Variants in SNAP25 observed in about 807,000 individuals in gnomAD.
The protein encoded by SNAP25 is synaptosomal-associated protein 25.
A neutral mutation model predicts 28.7 loss-of-function variants in SNAP25; 3 were observed. The observed-to-expected ratio is 0.10, with a 90% CI of 0.05 to 0.27. SNAP25 has a LOEUF of 0.27. Among genes scored for constraint, SNAP25 ranks in the 10% least tolerant of loss-of-function variants. The pLI, the probability that SNAP25 is intolerant of heterozygous loss-of-function variation, is 1.00. For missense variants in SNAP25, 117 were observed against 278.7 expected, an observed-to-expected ratio of 0.42 and a Z score of 4.13; for synonymous variants, 61 against 88.1, an observed-to-expected ratio of 0.69 and a Z score of 1.72.
intron 1 of SNAP25, among the ~76,000 whole-genome samples, chr20:10,263,009 C>T (rs1283459809): frequency 1.0e-3 from 53 of 50,648 alleles, no homozygotes; most frequent in Middle Eastern, 0.031. Flanking sequence ...CTGGGGTGCT[C>T]TTTTTTTTTT....
At chr20:10,285,938 A>G (rs1175527873) in intron 4 of SNAP25, among the ~76,000 whole-genome samples, 1 of 152,252 alleles carries the variant, frequency 6.6e-6, no homozygotes, top group Non-Finnish European at 1.5e-5. Context: ...AGAAACTCCT[A>G]TTCCACAGTT....
chr20:10,227,954 G>A (rs148210116), intron 1 of SNAP25, among the ~76,000 whole-genome samples: 6 of 152,074 alleles, frequency 3.9e-5, no homozygotes, highest in East Asian at 3.9e-4. Context: ...TGTCAATTCC[G>A]CTTCCTTAAA....
intron 4 of SNAP25, among the ~76,000 whole-genome samples, chr20:10,287,084 A>G (rs1435643946): frequency 1.3e-5 from 2 of 152,210 alleles, no homozygotes; most frequent in Non-Finnish European, 1.5e-5. Context: ...ATTATCATTC[A>G]GGACATAGGC....
At chr20:10,230,312 C>T (rs560958705) in intron 1 of SNAP25, among the ~76,000 whole-genome samples, 4 of 152,230 alleles carry the variant, frequency 2.6e-5, no homozygotes, top group South Asian at 2.1e-4. Flanking sequence ...TCCCAAAGAA[C>T]GGAGAGTCCC....
In SNAP25 at chr20:10,277,984, T is replaced by C. The variant is rs182353572; in HGVS notation, c.114+258T>C. ...CAGAGAATAATAGAATTTCCAAGTC[T>C]GTGCTCTCAAGAAATCACAGACGAT... On this transcript the variant is annotated intron_variant, in intron 3 of 7. Coordinates refer to ENST00000254976, the MANE Select transcript of SNAP25 (RefSeq NM_130811.4). 842 of 337,238 alleles carry C rather than the reference T, an allele frequency of 2.5e-3. 5 individuals carry two copies. Among genetic ancestry groups the C allele is most frequent in the Middle Eastern group, 0.014 (18 of 1,244 alleles). 20.9% of individuals were successfully genotyped at this position (337,238 alleles called of 1,614,324 possible). A position where few individuals can be genotyped will look rare whatever the true frequency, so the allele number is the denominator to read the frequency against.
chr20:10,299,520 G>A lies in SNAP25; in HGVS notation c.552+108G>A, dbSNP rs141009464. ...CCTCAAAACACGACCTTGGATTCAGGCGCACTGATAGCTGGAAATGTTCTT... is the reference window on the plus strand; with the variant it reads ...CCTCAAAACACGACCTTGGATTCAGACGCACTGATAGCTGGAAATGTTCTT... On this transcript the variant is annotated intron_variant, in intron 7 of 7. Transcript: ENST00000254976. 179 of 1,097,320 alleles carry A rather than the reference G, an allele frequency of 1.6e-4. No individual in the cohort carries two copies. In the African/African-American group the frequency reaches 2.2e-3, roughly 13 times the overall value. The allele number at this position is 1,097,320 out of a possible 1,614,324, so 68.0% of individuals were successfully genotyped here.
At chr20:10,269,379 G>A (rs2063555269) in intron 1 of SNAP25, among the ~76,000 whole-genome samples, 1 of 152,138 alleles carries the variant, frequency 6.6e-6, no homozygotes, top group African/African-American at 2.4e-5. Flanking sequence ...TCCCACCTGG[G>A]CGACAGAGCA....
chr20:10,246,671 A>G (rs763852484), intron 1 of SNAP25, among the ~76,000 whole-genome samples: 1 of 152,176 alleles, frequency 6.6e-6, no homozygotes, highest in Non-Finnish European at 1.5e-5. Flanking sequence ...CCACCTTTTA[A>G]TTTCACAGCC....
At chr20:10,226,897 G>A (rs182647480) in intron 1 of SNAP25, among the ~76,000 whole-genome samples, 1 of 152,138 alleles carries the variant, frequency 6.6e-6, no homozygotes, top group East Asian at 1.9e-4. Context: ...ATCTCTCCCT[G>A]TAGAGACCAC....
chr20:10,231,445 A>C (rs1448429472), intron 1 of SNAP25: 3 of 152,294 alleles, frequency 2.0e-5, no homozygotes, highest in Admixed American at 6.5e-5. Flanking sequence ...CTCCTGACTC[A>C]AGCTTCAGCT....
At chr20:10,270,201 C>T (rs761172107) in intron 1 of SNAP25, among the ~76,000 whole-genome samples, 1 of 151,956 alleles carries the variant, frequency 6.6e-6, no homozygotes, top group Non-Finnish European at 1.5e-5. Flanking sequence ...TTGTGGTGAG[C>T]CGAGATCATG....
At chr20:10,235,884 A>C (rs1441299014) in intron 1 of SNAP25, among the ~76,000 whole-genome samples, 1 of 152,228 alleles carries the variant, frequency 6.6e-6, no homozygotes, top group African/African-American at 2.4e-5. Context: ...AAGAGAGAAC[A>C]AGCCCCAATG....
chr20:10,229,574 A>C (rs1057425486), intron 1 of SNAP25, among the ~76,000 whole-genome samples: 8 of 152,212 alleles, frequency 5.3e-5, no homozygotes, highest in Admixed American at 2.0e-4. Flanking sequence ...AATGACTTCA[A>C]ATTCTGCTTT....
At chr20:10,224,622 G>A (rs2062702237) in intron 1 of SNAP25, among the ~76,000 whole-genome samples, 1 of 151,938 alleles carries the variant, frequency 6.6e-6, no homozygotes, top group Admixed American at 6.6e-5. Context: ...GACCCAATTG[G>A]AAGATTAATT....
intron 3 of SNAP25, among the ~76,000 whole-genome samples, chr20:10,278,836 A>G (rs2063733061): frequency 6.7e-6 from 1 of 150,358 alleles, no homozygotes; most frequent in Non-Finnish European, 1.5e-5. Flanking sequence ...CTCACCTAGG[A>G]ATGAGATATG....
At chr20:10,296,691 T>G in intron 5 of SNAP25, 1 of 509,406 alleles carries the variant, frequency 2.0e-6, no homozygotes, top group South Asian at 2.8e-5. Flanking sequence ...AGAACAACCT[T>G]GTGGGCAAAG....
intron 1 of SNAP25, among the ~76,000 whole-genome samples, chr20:10,252,137 C>A (rs948358713): frequency 8.5e-5 from 13 of 152,222 alleles, no homozygotes; most frequent in African/African-American, 3.1e-4. Flanking sequence ...CACCCACGTG[C>A]AAACTCAGTA....
At chr20:10,277,449 T>C (rs185470640) in intron 2 of SNAP25, among the ~76,000 whole-genome samples, 125 of 152,354 alleles carry the variant, frequency 8.2e-4, no homozygotes, top group African/African-American at 2.9e-3. Context: ...TTCATATGGT[T>C]TTTATTTTCT....
intron 1 of SNAP25, chr20:10,219,234 T>TA (rs1046075163): frequency 6.6e-6 from 1 of 152,130 alleles, no homozygotes; most frequent in African/African-American, 2.4e-5. Context: ...AATAATAACT[T>TA]ACTCTTTTGA....
Sources: gnomAD v4.1 joint callset for allele counts (sites outside exome capture counted in the v4.1 genomes callset) on GRCh38, gnomAD v4.1.1 for gene constraint, MANE v1.5 for transcripts, NCBI Gene and HGNC (gene_info 2026-07-23, HGNC 2026-07-21) for gene names.